AOAH: variants seen among roughly 807,000 people sequenced by gnomAD.
AOAH encodes the protein acyloxyacyl hydrolase, also known as acyloxyacyl hydrolase (neutrophil).
Under a neutral mutation model 92.2 loss-of-function variants are expected in AOAH, and 64 were observed. The ratio of observed to expected loss-of-function variants is 0.69; its 90% CI spans 0.57 to 0.86. AOAH has a LOEUF of 0.86. AOAH is among the 40% of genes least tolerant of loss of function. The pLI is 0.00. For synonymous variants in AOAH, 263 were observed against 254.5 expected (o/e 1.03, Z -0.32); for missense variants, 656 against 694.6 (o/e 0.94, Z 0.62).
At chr7:36,570,105 C>G (rs1231366706) in intron 13 of AOAH, among the ~76,000 whole-genome samples, 1 of 152,008 alleles carries the variant, frequency 6.6e-6, no homozygotes, top group Non-Finnish European at 1.5e-5. Flanking sequence ...ACAACAGATC[C>G]CTAGGATTTA....
At chr7:36,542,904 A>T (rs1331791990) in intron 15 of AOAH, among the ~76,000 whole-genome samples, 2 of 151,506 alleles carry the variant, frequency 1.3e-5, no homozygotes, top group Non-Finnish European at 2.9e-5. Flanking sequence ...TCACCTGAAT[A>T]AAAAAAAAGA....
chr7:36,636,299 C>T (rs77737776), intron 5 of AOAH, among the ~76,000 whole-genome samples: 1,696 of 151,566 alleles, frequency 0.011, 14 homozygotes, highest in African/African-American at 0.019. Flanking sequence ...TTTTTCACTT[C>T]TCGCGAGTAA....
chr7:36,639,043 G>A (rs1793716493), intron 4 of AOAH, among the ~76,000 whole-genome samples: 1 of 152,158 alleles, frequency 6.6e-6, no homozygotes, highest in African/African-American at 2.4e-5. Context: ...TGCTCCAACT[G>A]CACCCAGTAT....
At chr7:36,701,397 C>T (rs1323751906) in intron 1 of AOAH, among the ~76,000 whole-genome samples, 1 of 151,360 alleles carries the variant, frequency 6.6e-6, no homozygotes, top group Non-Finnish European at 1.5e-5. Context: ...TCTACTGTTG[C>T]ATTGCCTGGT....
intron 11 of AOAH, among the ~76,000 whole-genome samples, chr7:36,613,090 A>T (rs1046785613): frequency 6.6e-6 from 1 of 151,836 alleles, no homozygotes; most frequent in Admixed American, 6.6e-5. Context: ...TCTTAAAATA[A>T]TTTTTTTTCT....
At chr7:36,521,679 C>CTT (rs780833627) in intron 20 of AOAH, among the ~76,000 whole-genome samples, 4 of 144,902 alleles carry the variant, frequency 2.8e-5, no homozygotes, top group Non-Finnish European at 4.6e-5. Context: ...TTCTTTCTTC[C>CTT]TTTTTTTTTT....
intron 1 of AOAH, among the ~76,000 whole-genome samples, chr7:36,721,324 T>C (rs572879099): frequency 4.2e-4 from 64 of 152,290 alleles, no homozygotes; most frequent in Non-Finnish European, 7.2e-4. Flanking sequence ...GGACTTCTTT[T>C]ATGGCTGCAG....
At chr7:36,606,876 C>G (rs1791045822) in intron 11 of AOAH, among the ~76,000 whole-genome samples, 1 of 152,148 alleles carries the variant, frequency 6.6e-6, no homozygotes, top group Non-Finnish European at 1.5e-5. Flanking sequence ...TTGAACCTAA[C>G]TACTGAGGTT....
rs200467205 is a variant in AOAH, at chr7:36,522,043, T to C, written c.1595A>G (p.Asn532Ser). The C allele has an allele frequency of 1.3e-4, 216 of 1,613,942 alleles. No homozygotes were observed. The highest frequency in any genetic ancestry group is 1.8e-4 in the Non-Finnish European group (209 of 1,179,912). Residue 532 changes from asparagine (N) to serine (S), a missense_variant, in exon 20 of 21, where the codon AAC becomes AGC. Transcript: ENST00000617537. ...CCACCATGTGACTGTGCTTACCTCG[T>C]TGGGGTGGAATCCATCCACGGGCTC... Reference protein sequence around the residue: ...LIEPVDGFHPNEVALLLLADH... With the variant: ...LIEPVDGFHPSEVALLLLADH...
At chr7:36,580,662 A>G (rs1047143050) in intron 12 of AOAH, among the ~76,000 whole-genome samples, 1 of 152,024 alleles carries the variant, frequency 6.6e-6, no homozygotes, top group African/African-American at 2.4e-5. Flanking sequence ...TTATAGGCTT[A>G]TTTTTAAATG....
chr7:36,541,015 A>G (rs1785391700), intron 15 of AOAH, among the ~76,000 whole-genome samples: 1 of 152,264 alleles, frequency 6.6e-6, no homozygotes, highest in Non-Finnish European at 1.5e-5. Context: ...GGTATTACTT[A>G]TGATTTATTT....
chr7:36,601,034 C>A (rs538087605), intron 11 of AOAH, among the ~76,000 whole-genome samples: 2 of 152,210 alleles, frequency 1.3e-5, no homozygotes, highest in South Asian at 4.1e-4. Flanking sequence ...CCTGACATAC[C>A]CAGGGGAAAG....
chr7:36,636,779 A>G (rs1032287077), intron 5 of AOAH, among the ~76,000 whole-genome samples: 1 of 152,216 alleles, frequency 6.6e-6, no homozygotes, highest in Non-Finnish European at 1.5e-5. Context: ...ATACTAAAAC[A>G]CTATTCGTTG....
chr7:36,514,618 T>G (rs1420284106), intron 20 of AOAH: 1 of 1,500,552 alleles, frequency 6.7e-7, no homozygotes, highest in African/African-American at 1.4e-5. Flanking sequence ...ATTTAGCAAA[T>G]GGGACCTGGC....
intron 16 of AOAH, 24 bp from the exon 17 acceptor site, chr7:36,532,368 G>A: frequency 6.2e-7 from 1 of 1,612,052 alleles, no homozygotes; most frequent in East Asian, 2.2e-5. Flanking sequence ...AGGTCTGGTA[G>A]ATTGCATCCA....
chr7:36,519,118 C>T lies in AOAH; in HGVS notation c.1599+2921G>A, dbSNP rs189948862. ...ACTACAGGCATCTTTTTAGGACACACGTTGGGCTATTTCTTTCTTGCTTGA... is the reference window on the plus strand; with the variant it reads ...ACTACAGGCATCTTTTTAGGACACATGTTGGGCTATTTCTTTCTTGCTTGA... On this transcript the variant is annotated intron_variant, in intron 20 of 20. Coordinates refer to ENST00000617537, the MANE Select transcript of AOAH (RefSeq NM_001637.4). Among the ~76,000 whole-genome samples, 29 of 152,320 alleles carry T rather than the reference C, an allele frequency of 1.9e-4. No individual in the cohort carries two copies. In the East Asian group the frequency reaches 4.2e-3, roughly 22 times the overall value.
intron 12 of AOAH, among the ~76,000 whole-genome samples, chr7:36,586,550 TA>T (rs773677421): frequency 7.2e-5 from 11 of 152,222 alleles, no homozygotes; most frequent in Non-Finnish European, 1.3e-4. Context: ...CCCAGATCTC[TA>T]AATGTCAGCA....
chr7:36,723,889 G>T (rs1237851287), intron 1 of AOAH, 133 bp downstream of exon 1: 2 of 941,304 alleles, frequency 2.1e-6, no homozygotes, highest in Non-Finnish European at 3.0e-6. Context: ...CTCTGTGTCA[G>T]TGAGGTTACT....
At chr7:36,626,408 A>G (rs1792668783) in intron 6 of AOAH, among the ~76,000 whole-genome samples, 1 of 152,228 alleles carries the variant, frequency 6.6e-6, no homozygotes, top group South Asian at 2.1e-4. Flanking sequence ...CTTACTTTAA[A>G]GGCCCCAAGT....
Sources: gnomAD v4.1 joint callset for allele counts (sites outside exome capture counted in the v4.1 genomes callset) on GRCh38, gnomAD v4.1.1 for gene constraint, MANE v1.5 for transcripts, NCBI Gene and HGNC (gene_info 2026-07-23, HGNC 2026-07-21) for gene names.